Variants in LRRC71 observed in about 807,000 individuals in gnomAD.
LRRC71 encodes the protein leucine rich repeat containing 71, also known as leucine-rich repeat-containing protein 71.
In LRRC71, 54 loss-of-function variants were observed where a neutral mutation model predicts 66.6. That is an observed-to-expected ratio of 0.81 (90% CI 0.65 to 1.02). LRRC71 has a LOEUF of 1.02. LRRC71 is among the 50% of genes least tolerant of loss of function. The pLI, the probability that LRRC71 is intolerant of heterozygous loss-of-function variation, is 0.00. For synonymous variants in LRRC71, 323 were observed against 303.9 expected, an observed-to-expected ratio of 1.06 and a Z score of -0.65; for missense variants, 724 against 718.0, an observed-to-expected ratio of 1.01 and a Z score of -0.10.
downstream of LRRC71, chr1:156,937,362 C>G: frequency 6.2e-7 from 1 of 1,611,736 alleles, no homozygotes; most frequent in Non-Finnish European, 8.5e-7. Context: ...TCATCGTTGC[C>G]TCCCTGCAGC....
chr1:156,936,739 G>T, downstream of LRRC71: 1 of 1,486,118 alleles, frequency 6.7e-7, no homozygotes, highest in Non-Finnish European at 9.1e-7. Context: ...ATCTCTCACT[G>T]CTTAGTGATG....
chr1:156,937,612 G>A (rs1655756317), downstream of LRRC71: 12 of 1,136,888 alleles, frequency 1.1e-5, no homozygotes, highest in East Asian at 2.9e-4. Flanking sequence ...GTCCTCTCCA[G>A]ACAAACTCAG....
chr1:156,927,560 G>A lies in LRRC71; in HGVS notation c.727G>A (p.Ala243Thr), dbSNP rs751936694. Residue 243 changes from alanine to threonine, a missense_variant, in exon 7 of 15, where the codon GCG (alanine) becomes ACG (threonine). Transcript: ENST00000337428. ...CCGCGGGGCGCAACTCCTGGGCCAG[G>A]CGCTGTCCACGCTGCACAGCTGCAA... ...DDRGAQLLGQ[A>T]LSTLHSCNRT... 3 of 1,583,094 alleles carry A rather than the reference G, an allele frequency of 1.9e-6. No individual in the cohort carries two copies. Among genetic ancestry groups the A allele is most frequent in the Non-Finnish European group, 2.6e-6 (3 of 1,164,476 alleles).
Position 156,927,607 on chromosome 1 carries a change from C to A in LRRC71, c.774C>A (p.Asn258Lys). 8.1e-6 allele frequency: 13 copies of A among 1,602,188 alleles called. No individual in the cohort carries two copies. The highest frequency in any genetic ancestry group is 1.0e-5 in the Non-Finnish European group (12 of 1,174,192). The change falls in exon 7 of 15, where the codon AAC (asparagine) becomes AAA (lysine). Residue 258 changes from asparagine to lysine, a missense_variant. Asn to Lys is a moderately conservative substitution (Grantham distance 94). Coordinates refer to ENST00000337428, the MANE Select transcript of LRRC71 (RefSeq NM_144702.3). ...HSCNRTLVSL[N>K]LGFNHIGDEG... is the part of the protein sequence containing the mutation. Reference sequence around the variant, plus strand: ...GCAACCGGACCCTCGTCTCGCTCAACCTGGGTTTCAACCACATCGGTGACG... The same window carrying A: ...GCAACCGGACCCTCGTCTCGCTCAAACTGGGTTTCAACCACATCGGTGACG...
downstream of LRRC71, chr1:156,934,969 A>T (rs941611938): frequency 1.4e-4 from 20 of 147,488 alleles, no homozygotes; most frequent in South Asian, 1.3e-3. Flanking sequence ...ATATATATTT[A>T]TATATATATA....
At chr1:156,927,847 G>C in intron 8 of LRRC71, 31 bp downstream of exon 8, 1 of 1,612,158 alleles carries the variant, frequency 6.2e-7, no homozygotes, top group Middle Eastern at 1.7e-4. Context: ...GGGCAGGGGC[G>C]TGGGCGGGCC....
At chr1:156,932,743 G>A in intron 14 of LRRC71, 110 bp from the exon 15 acceptor site, 1 of 1,488,214 alleles carries the variant, frequency 6.7e-7, no homozygotes, top group African/African-American at 1.4e-5. Flanking sequence ...TGCTTTTTCT[G>A]CATGTCCCCC....
chr1:156,930,562 C>T lies in LRRC71; in HGVS notation c.1274C>T (p.Ala425Val). ...VTIPEQKPSR[A>V]KGIKIGSREK... Reference sequence around the variant, plus strand: ...ATCCCTGAACAGAAGCCAAGCAGGGCAAAAGGGATCAAGATCGGGAGCAGA... The same window carrying T: ...ATCCCTGAACAGAAGCCAAGCAGGGTAAAAGGGATCAAGATCGGGAGCAGA... The change falls in exon 12 of 15, where the codon GCA (alanine) becomes GTA (valine). Residue 425 changes from alanine to valine, a missense_variant. By Grantham distance (64) the Ala-to-Val change is moderately conservative. Transcript: ENST00000337428. The T allele has an allele frequency of 6.4e-7, 1 of 1,568,968 alleles. No homozygotes were observed. Among genetic ancestry groups the T allele is most frequent in the Non-Finnish European group, 8.6e-7 (1 of 1,156,796 alleles).
chr1:156,933,188 A>C, downstream of LRRC71: 3 of 512,698 alleles, frequency 5.9e-6, no homozygotes, highest in Non-Finnish European at 1.0e-5. Flanking sequence ...AAGTGGTCTG[A>C]ATTACAGTTC....
At chr1:156,923,616 GCT>G (rs1652719185) in intron 1 of LRRC71, among the ~76,000 whole-genome samples, 2 of 152,202 alleles carry the variant, frequency 1.3e-5, no homozygotes, top group Non-Finnish European at 2.9e-5. Flanking sequence ...TGAGGAGGAG[GCT>G]GGGCTGGGGA....
the LRRC71 span, chr1:156,938,331 T>C: frequency 2.2e-5 from 28 of 1,275,074 alleles, no homozygotes; most frequent in Non-Finnish European, 3.0e-5. Context: ...GGTGTGTGTG[T>C]GACCATGGGC....
the LRRC71 span, chr1:156,939,929 GA>G: frequency 6.3e-7 from 1 of 1,597,996 alleles, no homozygotes; most frequent in African/African-American, 1.3e-5. Context: ...GAAACAGGGT[GA>G]TGTCTTCCCA....
At position 156,933,075 on chromosome 1, in the gene LRRC71, G is replaced by A; in HGVS notation, c.*106G>A. On this transcript the variant is annotated 3_prime_UTR_variant, in exon 15 of 15. Transcript: ENST00000337428. Reference sequence around the variant, plus strand: ...AGATCTCAGACCAATAACAAAGTCTGTTGCTATACTTTTCCTTGAGGTCGT... The same window carrying A: ...AGATCTCAGACCAATAACAAAGTCTATTGCTATACTTTTCCTTGAGGTCGT... 1 of 745,480 alleles carries A rather than the reference G, an allele frequency of 1.3e-6. No homozygotes were observed. The allele number at this position is 745,480 out of a possible 1,614,324, so 46.2% of individuals were successfully genotyped here.
intron 1 of LRRC71, chr1:156,921,806 A>C: frequency 3.3e-6 from 1 of 303,620 alleles, no homozygotes; most frequent in South Asian, 1.3e-4. Flanking sequence ...GGAGGCAAAC[A>C]GATGAGTTAC....
chr1:156,938,520 C>T, the LRRC71 span: 11 of 1,610,894 alleles, frequency 6.8e-6, no homozygotes, highest in African/African-American at 4.0e-5. Flanking sequence ...TCAGCTGCAC[C>T]GACACCACCA....
intron 7 of LRRC71, 37 bp downstream of exon 7, chr1:156,927,692 G>A (rs937781464): frequency 1.5e-5 from 24 of 1,605,098 alleles, no homozygotes; most frequent in Non-Finnish European, 2.0e-5. Context: ...CTGGGAGCAG[G>A]GGCGGCTTGG....
downstream of LRRC71, chr1:156,936,071 G>A: frequency 6.2e-7 from 1 of 1,614,012 alleles, no homozygotes; most frequent in Non-Finnish European, 8.5e-7. Context: ...GTGGGAGGAG[G>A]ATGAAGGTGA....
At position 156,929,463 on chromosome 1, in the gene LRRC71, G is replaced by T. The variant is rs1188997453; in HGVS notation, c.1146+34G>T. 3.7e-6 allele frequency: 6 copies of T among 1,613,078 alleles called. No individual in the cohort carries two copies. In the African/African-American group the frequency reaches 8.0e-5, roughly 22 times the overall value. On this transcript the variant is annotated intron_variant, in intron 10 of 14. Coordinates refer to ENST00000337428, the MANE Select transcript of LRRC71 (RefSeq NM_144702.3). ...GCAATGGGACAGATCCTGGGTGCTG[G>T]ACGGACAGGGGAGGGGGCTTCCATC... is the stretch of plus-strand genomic sequence containing the variant.
the LRRC71 span, chr1:156,939,471 G>T: frequency 6.3e-7 from 1 of 1,591,432 alleles, no homozygotes; most frequent in African/African-American, 1.3e-5. Flanking sequence ...GTATAGGGAA[G>T]GAAGCAGCTG....
Sources: gnomAD v4.1 joint callset for allele counts (sites outside exome capture counted in the v4.1 genomes callset) on GRCh38, gnomAD v4.1.1 for gene constraint, MANE v1.5 for transcripts, NCBI Gene and HGNC (gene_info 2026-07-23, HGNC 2026-07-21) for gene names.